The following NKAIN2 variants were observed in gnomAD, a reference collection of about 807,000 sequenced individuals.
NKAIN2 encodes the protein sodium/potassium transporting ATPase interacting 2, also known as sodium/potassium-transporting ATPase subunit beta-1-interacting protein 2.
A neutral mutation model predicts 32.6 loss-of-function variants in NKAIN2; 14 were observed. That is an observed-to-expected ratio of 0.43 (90% CI 0.28 to 0.67). The LOEUF (loss-of-function observed/expected upper bound fraction) is 0.67. NKAIN2 is among the 30% of genes least tolerant of loss of function. NKAIN2 has a pLI of 0.17. For missense variants in NKAIN2, 198 were observed against 258.3 expected (o/e 0.77, Z 1.60); for synonymous variants, 80 against 87.2 (o/e 0.92, Z 0.46).
At chr6:124,144,900 G>GT (rs1366915297) in intron 1 of NKAIN2, among the ~76,000 whole-genome samples, 1 of 152,120 alleles carries the variant, frequency 6.6e-6, no homozygotes, top group Non-Finnish European at 1.5e-5. Context: ...GAAAAAGCTA[G>GT]TATCTAGAAT....
intron 3 of NKAIN2, among the ~76,000 whole-genome samples, chr6:124,636,020 C>T (rs1258656875): frequency 6.6e-6 from 1 of 151,890 alleles, no homozygotes; most frequent in East Asian, 1.9e-4. Context: ...AAACATTCTC[C>T]AGGATAGAGC....
At chr6:124,475,860 A>AAAAT (rs1238629242) in intron 3 of NKAIN2, among the ~76,000 whole-genome samples, 3 of 152,158 alleles carry the variant, frequency 2.0e-5, no homozygotes, top group South Asian at 2.1e-4. Context: ...TGCTTTTCTC[A>AAAAT]AAATAAATAA....
At chr6:123,886,300 A>G (rs2114352232) in intron 1 of NKAIN2, among the ~76,000 whole-genome samples, 1 of 152,254 alleles carries the variant, frequency 6.6e-6, no homozygotes, top group East Asian at 1.9e-4. Context: ...TGATTTCTTT[A>G]TAAGTATATA....
At chr6:124,672,342 T>A (rs1385615445) in intron 4 of NKAIN2, among the ~76,000 whole-genome samples, 1 of 151,998 alleles carries the variant, frequency 6.6e-6, no homozygotes, top group Non-Finnish European at 1.5e-5. Flanking sequence ...ATGTGGGAAT[T>A]GTTGTCATCT....
intron 3 of NKAIN2, among the ~76,000 whole-genome samples, chr6:124,397,784 C>G (rs905928555): frequency 1.3e-5 from 2 of 151,972 alleles, no homozygotes; most frequent in Non-Finnish European, 2.9e-5. Context: ...GGAAGATTAA[C>G]GAATTGTGAA....
intron 1 of NKAIN2, among the ~76,000 whole-genome samples, chr6:124,153,951 A>C (rs956086780): frequency 3.6e-5 from 5 of 139,884 alleles, no homozygotes; most frequent in Admixed American, 7.2e-5. Context: ...TTTTGTAGTT[A>C]TTTCTTATCA....
intron 2 of NKAIN2, among the ~76,000 whole-genome samples, chr6:124,338,778 A>C (rs1797990758): frequency 6.6e-6 from 1 of 152,190 alleles, no homozygotes; most frequent in Non-Finnish European, 1.5e-5. Context: ...ACCAAAAAAA[A>C]ATTTTCTATT....
intron 4 of NKAIN2, among the ~76,000 whole-genome samples, chr6:124,747,216 C>T (rs1229442587): frequency 6.6e-6 from 1 of 151,860 alleles, no homozygotes; most frequent in Admixed American, 6.6e-5. Flanking sequence ...ACAGTCCTTT[C>T]CTGGTCCCTA....
At chr6:124,638,545 T>A (rs1276748466) in intron 3 of NKAIN2, among the ~76,000 whole-genome samples, 1 of 152,036 alleles carries the variant, frequency 6.6e-6, no homozygotes, top group Non-Finnish European at 1.5e-5. Flanking sequence ...TACAAAGAAC[T>A]CAAATGACTC....
At chr6:124,521,549 A>C (rs1018939003) in intron 3 of NKAIN2, among the ~76,000 whole-genome samples, 1 of 152,200 alleles carries the variant, frequency 6.6e-6, no homozygotes, top group African/African-American at 2.4e-5. Flanking sequence ...AAATACGTGA[A>C]TGCTGGATAC....
intron 4 of NKAIN2, among the ~76,000 whole-genome samples, chr6:124,775,707 C>T (rs979751254): frequency 6.6e-6 from 1 of 152,162 alleles, no homozygotes; most frequent in Non-Finnish European, 1.5e-5. Context: ...ATCAAGCTTG[C>T]ACTCTACGTG....
At chr6:124,343,230 T>C (rs1583081648) in intron 2 of NKAIN2, among the ~76,000 whole-genome samples, 3 of 152,238 alleles carry the variant, frequency 2.0e-5, no homozygotes, top group South Asian at 4.1e-4. Context: ...CAATCTATCA[T>C]TGTTGGACAT....
intron 3 of NKAIN2, among the ~76,000 whole-genome samples, chr6:124,549,506 A>T (rs77791214): frequency 0.013 from 1,990 of 152,286 alleles, 48 homozygotes; most frequent in African/African-American, 0.046. Context: ...TTACTTAACT[A>T]TAGAGCATTT....
chr6:123,952,706 T>C (rs1385495179), intron 1 of NKAIN2, among the ~76,000 whole-genome samples: 1 of 152,162 alleles, frequency 6.6e-6, no homozygotes, highest in Non-Finnish European at 1.5e-5. Context: ...TTTTATTCTA[T>C]TTACTGAATT....
intron 3 of NKAIN2, among the ~76,000 whole-genome samples, chr6:124,453,212 G>C (rs1776177370): frequency 6.6e-6 from 1 of 151,680 alleles, no homozygotes; most frequent in South Asian, 2.1e-4. Flanking sequence ...ATCTTCCTGA[G>C]AGTTATTGAC....
chr6:124,698,666 C>T (rs550224788), intron 4 of NKAIN2, among the ~76,000 whole-genome samples: 1 of 152,230 alleles, frequency 6.6e-6, no homozygotes, highest in Admixed American at 6.5e-5. Context: ...CATTCCTATG[C>T]CATAATCATC....
At chr6:124,316,906 T>G (rs1435894323) in intron 2 of NKAIN2, among the ~76,000 whole-genome samples, 2 of 152,126 alleles carry the variant, frequency 1.3e-5, no homozygotes, top group Non-Finnish European at 2.9e-5. Context: ...GAAAGCATCA[T>G]TATATATTAA....
At chr6:124,786,034 GA>G (rs1779485393) in intron 4 of NKAIN2, among the ~76,000 whole-genome samples, 1 of 152,070 alleles carries the variant, frequency 6.6e-6, no homozygotes, top group Admixed American at 6.6e-5. Flanking sequence ...CTAAAACAAA[GA>G]GGTACTATCA....
At chr6:123,863,090 T>C (rs2114981346) in intron 1 of NKAIN2, among the ~76,000 whole-genome samples, 1 of 152,234 alleles carries the variant, frequency 6.6e-6, no homozygotes, top group South Asian at 2.1e-4. Flanking sequence ...AAACAGCTAT[T>C]CTCTCTTGCC....
Sources: gnomAD v4.1 joint callset for allele counts (sites outside exome capture counted in the v4.1 genomes callset) on GRCh38, gnomAD v4.1.1 for gene constraint, MANE v1.5 for transcripts, NCBI Gene and HGNC (gene_info 2026-07-23, HGNC 2026-07-21) for gene names.